Variants in MAP2K3 observed in about 807,000 individuals in gnomAD.
MAP2K3 encodes the protein mitogen-activated protein kinase kinase 3.
Under a neutral mutation model 46.4 loss-of-function variants are expected in MAP2K3, and 30 were observed. The observed-to-expected ratio is 0.65, with a 90% CI of 0.48 to 0.88. The LOEUF (loss-of-function observed/expected upper bound fraction) is 0.88, where lower values mean the gene tolerates loss of function less well. MAP2K3 is among the 40% of genes least tolerant of loss of function. MAP2K3 has a pLI of 0.00. For missense variants in MAP2K3, 380 were observed against 464.5 expected, an observed-to-expected ratio of 0.82 and a Z score of 1.67; for synonymous variants, 189 against 176.3, an observed-to-expected ratio of 1.07 and a Z score of -0.57.
chr17:21,304,249 T>G (rs1449719517), intron 7 of MAP2K3, among the ~76,000 whole-genome samples, 177 bp from the exon 8 acceptor site: 1 of 152,312 alleles, frequency 6.6e-6, no homozygotes, highest in East Asian at 1.9e-4. Context: ...CGGCACCTCT[T>G]GCAGCCTCAG....
chr17:21,315,213 TAAAAAAAAAAA>T lies in MAP2K3; in HGVS notation c.*992_*1002del, dbSNP rs34431928. ...GCAGTTACCTGGTTGCTGTTTTAAT[TAAAAAAAAAAA>T]AAAAAAAAGGACTAAAGGTTGTGTG... On this transcript the variant is annotated 3_prime_UTR_variant, in exon 12 of 12. Coordinates refer to ENST00000342679, the MANE Select transcript of MAP2K3 (RefSeq NM_145109.3). 1 of 136,978 alleles carries T rather than the reference TAAAAAAAAAAA, an allele frequency of 7.3e-6. No individual in the cohort carries two copies. The highest frequency in any genetic ancestry group is 1.6e-5 in the Non-Finnish European group (1 of 63,268). The allele number at this position is 136,978 out of a possible 1,614,324, so 8.5% of individuals were successfully genotyped here. A position where few individuals can be genotyped will look rare whatever the true frequency, so the allele number is the denominator to read the frequency against.
intron 1 of MAP2K3, among the ~76,000 whole-genome samples, chr17:21,295,139 C>T (rs1976167442): frequency 6.6e-6 from 1 of 152,312 alleles, no homozygotes; most frequent in Non-Finnish European, 1.5e-5. Context: ...GAGGGAAGGG[C>T]ATGTGTGAAG....
chr17:21,294,852 G>A (rs1976150687), intron 1 of MAP2K3, among the ~76,000 whole-genome samples: 1 of 152,312 alleles, frequency 6.6e-6, no homozygotes, highest in Non-Finnish European at 1.5e-5. Flanking sequence ...CCAGAGAGGT[G>A]AAGCCACTTG....
intron 7 of MAP2K3, among the ~76,000 whole-genome samples, chr17:21,303,456 A>C (rs1296937343): frequency 1.3e-5 from 2 of 152,310 alleles, no homozygotes; most frequent in African/African-American, 2.4e-5. Flanking sequence ...GTCCTGAGAA[A>C]GGTGGACTGG....
In MAP2K3 at chr17:21,306,982, C is replaced by T. The variant is rs1597827120; in HGVS notation, c.774+1854C>T. Among the ~76,000 whole-genome samples the T allele has an allele frequency of 3.3e-5, 5 of 152,426 alleles. No individual in the cohort carries two copies. In the South Asian group the frequency reaches 1.0e-3, roughly 32 times the overall value. ...TTAATGTTTTGTAGAAAAGGGGTCT[C>T]ACTATGTTGCCCAGGCTGGTCTTGA... is the stretch of plus-strand genomic sequence containing the variant. On this transcript the variant is annotated intron_variant, in intron 9 of 11. Transcript: ENST00000342679.
chr17:21,297,596 A>G (rs1256787150), intron 1 of MAP2K3, among the ~76,000 whole-genome samples: 1 of 152,306 alleles, frequency 6.6e-6, no homozygotes. Flanking sequence ...GGCCCTGACT[A>G]CAGGGAGCTC....
chr17:21,309,941 T>A (rs545832827), intron 9 of MAP2K3, among the ~76,000 whole-genome samples: 1 of 152,000 alleles, frequency 6.6e-6, no homozygotes, highest in South Asian at 2.1e-4. Flanking sequence ...TTAAAAAAAA[T>A]TTTGTAGCAT....
At chr17:21,295,025 A>G (rs544039101) in intron 1 of MAP2K3, among the ~76,000 whole-genome samples, 98 of 152,382 alleles carry the variant, frequency 6.4e-4, no homozygotes, top group Non-Finnish European at 1.2e-3. Context: ...GGCCACAGGG[A>G]GAGCCGGTCA....
At chr17:21,306,708 C>T (rs1239807200) in intron 9 of MAP2K3, among the ~76,000 whole-genome samples, 1 of 152,184 alleles carries the variant, frequency 6.6e-6, no homozygotes, top group African/African-American at 2.4e-5. Flanking sequence ...GTCTTGAACT[C>T]CTGACCTCAA....
chr17:21,313,552 G>T lies in MAP2K3; in HGVS notation c.960+15G>T. On this transcript the variant is annotated intron_variant, in intron 11 of 11. Coordinates refer to ENST00000342679, the MANE Select transcript of MAP2K3 (RefSeq NM_145109.3). ...TGGAGCTGATGGTGAGTATGGGCGG[G>T]AGGTGCCTGCCCTGCTCTTCAGGGC... is the stretch of plus-strand genomic sequence containing the variant. 6.4e-7 allele frequency: 1 copy of T among 1,568,104 alleles called. No individual in the cohort carries two copies. The highest frequency in any genetic ancestry group is 1.1e-5 in the South Asian group (1 of 90,112).
At chr17:21,303,739 T>C (rs1397003099) in intron 7 of MAP2K3, among the ~76,000 whole-genome samples, 1 of 152,310 alleles carries the variant, frequency 6.6e-6, no homozygotes, top group Admixed American at 6.5e-5. Context: ...TGGTCTCAGT[T>C]TGTTCCTTTT....
chr17:21,304,933 C>G, intron 8 of MAP2K3, 118 bp from the exon 9 acceptor site: 1 of 1,190,380 alleles, frequency 8.4e-7, no homozygotes, highest in Non-Finnish European at 1.3e-6. Context: ...CAGTTTCCTC[C>G]CCCGTCACAT....
At chr17:21,296,439 T>A (rs377635892) in intron 1 of MAP2K3, among the ~76,000 whole-genome samples, 1,254 of 151,858 alleles carry the variant, frequency 8.3e-3, no homozygotes, top group African/African-American at 0.029. Context: ...AGCCTCTGCA[T>A]CTCCAGACTC....
Position 21,286,894 on chromosome 17 carries a change from A to G in MAP2K3, c.49+1925A>G, listed in dbSNP as rs368283242. 2.0e-4 allele frequency among the ~76,000 whole-genome samples: 31 copies of G among 152,286 alleles called. No individual in the cohort carries two copies. In the East Asian group the frequency reaches 5.6e-3, roughly 28 times the overall value. ...CTGTAGTCTCTTTGGGGTCTGGGGA[A>G]GGATGTGGTGGCAGAGCCACAATGC... On this transcript the variant is annotated intron_variant, in intron 1 of 11. Transcript: ENST00000342679.
At position 21,285,223 on chromosome 17, in the gene MAP2K3, T is replaced by C. The variant is rs1975692458; in HGVS notation, c.49+254T>C. ...CTGGACCCAGACTAGGACTTTGTTC[T>C]GCTCACCCCATCCAAGTCAGGAGCC... On this transcript the variant is annotated intron_variant, in intron 1 of 11. Transcript: ENST00000342679. The C allele has an allele frequency of 8.1e-6, 8 of 984,926 alleles. No homozygotes were observed. In the South Asian group the frequency reaches 3.3e-4, roughly 40 times the overall value. 61.0% of individuals were successfully genotyped at this position (984,926 alleles called of 1,614,324 possible). A position where few individuals can be genotyped will look rare whatever the true frequency, so the allele number is the denominator to read the frequency against.
chr17:21,292,154 G>C (rs1280678060), intron 1 of MAP2K3, among the ~76,000 whole-genome samples: 1 of 152,312 alleles, frequency 6.6e-6, no homozygotes, highest in Admixed American at 6.5e-5. Flanking sequence ...TCCAGCCTGA[G>C]CAGCCTGCTG....
At position 21,315,185 on chromosome 17, in the gene MAP2K3, G is replaced by A. The variant is rs979611032; in HGVS notation, c.*955G>A. ...TCCCGGGTCCTTTCCCTGATGGGTT[G>A]GGGCAGTTACCTGGTTGCTGTTTTA... On this transcript the variant is annotated 3_prime_UTR_variant, in exon 12 of 12. Transcript: ENST00000342679. The A allele has an allele frequency of 6.6e-6, 1 of 150,480 alleles. No individual in the cohort carries two copies. Among genetic ancestry groups the A allele is most frequent in the Non-Finnish European group, 1.5e-5 (1 of 67,920 alleles). 9.3% of individuals were successfully genotyped at this position (150,480 alleles called of 1,614,324 possible).
intron 9 of MAP2K3, chr17:21,311,813 G>T (rs1410804269): frequency 9.6e-6 from 2 of 208,934 alleles, no homozygotes; most frequent in Non-Finnish European, 1.9e-5. Flanking sequence ...CAGCTCCTCA[G>T]ATTTTTCCAG....
chr17:21,289,274 TCCTGCAGGCCTGC>T (rs900137622), intron 1 of MAP2K3, among the ~76,000 whole-genome samples: 3 of 152,158 alleles, frequency 2.0e-5, no homozygotes, highest in African/African-American at 7.2e-5. Flanking sequence ...TGGGGCCTGC[TCCTGCAGGCCTGC>T]CCTGCCCCTG....
Sources: gnomAD v4.1 joint callset for allele counts (sites outside exome capture counted in the v4.1 genomes callset) on GRCh38, gnomAD v4.1.1 for gene constraint, MANE v1.5 for transcripts, NCBI Gene and HGNC (gene_info 2026-07-23, HGNC 2026-07-21) for gene names.